Variants in ASIC2 observed in about 807,000 individuals in gnomAD.
The protein encoded by ASIC2 is acid-sensing ion channel 2.
A neutral mutation model predicts 57.3 loss-of-function variants in ASIC2; 25 were observed. That is an observed-to-expected ratio of 0.44 (90% CI 0.32 to 0.61). ASIC2 has a LOEUF of 0.61. Ranked by LOEUF, ASIC2 falls within the 20% of genes least tolerant of loss-of-function variation. ASIC2 has a pLI of 0.06. For missense variants in ASIC2, 641 were observed against 738.1 expected (o/e 0.87, Z 1.52); for synonymous variants, 319 against 307.5 (o/e 1.04, Z -0.39).
chr17:33,447,912 C>CAAAAAAAAAA (rs34092157), intron 1 of ASIC2, among the ~76,000 whole-genome samples: 1 of 73,084 alleles, frequency 1.4e-5, no homozygotes, highest in Non-Finnish European at 2.9e-5. Context: ...GACTCAGTCT[C>CAAAAAAAAAA]AAAAAAAAAA....
Position 33,172,381 on chromosome 17 carries a change from A to G in ASIC2, c.709-60314T>C, listed in dbSNP as rs866664304. On this transcript the variant is annotated intron_variant, in intron 1 of 9. Transcript: ENST00000225823. ...CCCCTGCCACAGGTAGCAGATGGCT[A>G]TGCCAAAATTAAAGCCCAGTTCTGC... Among the ~76,000 whole-genome samples the G allele has an allele frequency of 3.0e-4, 45 of 152,342 alleles. No individual in the cohort carries two copies. In the Middle Eastern group the frequency reaches 0.014, roughly 46 times the overall value.
intron 1 of ASIC2, among the ~76,000 whole-genome samples, chr17:33,814,212 C>G (rs967142335): frequency 6.6e-6 from 1 of 152,260 alleles, no homozygotes; most frequent in South Asian, 2.1e-4. Flanking sequence ...GAAGTGTAAG[C>G]CTAAATTCCT....
rs548319974 is a variant in ASIC2, at chr17:33,333,699, CA to C, written c.556-221633del. Among the ~76,000 whole-genome samples the C allele has an allele frequency of 2.8e-4, 42 of 151,146 alleles. No homozygotes were observed. The South Asian group carries it at 6.7e-3, about 24-fold the overall frequency. On this transcript the variant is annotated intron_variant, in intron 1 of 9. Coordinates refer to the ASIC2 transcript ENST00000359872. ...TATAATAAATAAACAATGTTAAGGA[CA>C]AAAAAAAGCAATTAAAAACTTTCCA...
intron 1 of ASIC2, chr17:34,039,055 A>G (rs1167464563): frequency 1.2e-6 from 2 of 1,614,104 alleles, no homozygotes; most frequent in Non-Finnish European, 8.5e-7. Context: ...TTCTATAAGG[A>G]GTTTCTTGCT....
chr17:33,155,721 A>G (rs1225627276), intron 1 of ASIC2, among the ~76,000 whole-genome samples: 1 of 151,350 alleles, frequency 6.6e-6, no homozygotes, highest in East Asian at 2.0e-4. Flanking sequence ...TACCACACCC[A>G]GCTAATTTTT....
intron 1 of ASIC2, among the ~76,000 whole-genome samples, chr17:33,134,911 G>T (rs1449462867): frequency 6.6e-6 from 1 of 152,202 alleles, no homozygotes; most frequent in African/African-American, 2.4e-5. Flanking sequence ...ACTCAAACCA[G>T]CATCAACTAA....
At chr17:33,507,672 G>T (rs962014017) in intron 1 of ASIC2, among the ~76,000 whole-genome samples, 1 of 152,154 alleles carries the variant, frequency 6.6e-6, no homozygotes, top group Non-Finnish European at 1.5e-5. Flanking sequence ...GGGAGGCAGA[G>T]GCAGGTGGAG....
At chr17:33,914,836 G>C (rs2141961188) in intron 1 of ASIC2, among the ~76,000 whole-genome samples, 1 of 152,354 alleles carries the variant, frequency 6.6e-6, no homozygotes, top group Non-Finnish European at 1.5e-5. Context: ...TCAGGGCCAT[G>C]AGTAGATAAA....
intron 1 of ASIC2, among the ~76,000 whole-genome samples, chr17:33,417,901 G>A (rs1371136784): frequency 6.6e-6 from 1 of 152,174 alleles, no homozygotes; most frequent in Non-Finnish European, 1.5e-5. Context: ...AGTCCTCAGG[G>A]AAGGCCCGAC....
At chr17:34,065,801 T>A (rs2142063904) in intron 1 of ASIC2, among the ~76,000 whole-genome samples, 1 of 152,190 alleles carries the variant, frequency 6.6e-6, no homozygotes, top group South Asian at 2.1e-4. Context: ...AGAAGAGTAA[T>A]CAAAAGGGAG....
At chr17:33,156,734 C>T (rs1034943433) in intron 1 of ASIC2, among the ~76,000 whole-genome samples, 5 of 151,874 alleles carry the variant, frequency 3.3e-5, no homozygotes, top group African/African-American at 4.8e-5. Flanking sequence ...CCAGCCTGGG[C>T]GACAGAGCGA....
In ASIC2 at chr17:33,663,198, T is replaced by A. The variant is rs1907349853; in HGVS notation, c.555+492780A>T. ...TGAGAAAATTGAGGCTTTGTGAGCT[T>A]ACCCAAGCTTTCCAGGTTCACGCAG... On this transcript the variant is annotated intron_variant, in intron 1 of 9. Transcript: ENST00000359872. Among the ~76,000 whole-genome samples, 4 of 152,236 alleles carry A rather than the reference T, an allele frequency of 2.6e-5. No individual in the cohort carries two copies. In the South Asian group the frequency reaches 8.3e-4, roughly 32 times the overall value.
intron 1 of ASIC2, among the ~76,000 whole-genome samples, chr17:34,032,190 A>C (rs542881484): frequency 0.027 from 4,132 of 152,294 alleles, 189 homozygotes; most frequent in African/African-American, 0.093. Context: ...AAGCCAGAAG[A>C]GAGTGGGGGC....
At chr17:33,506,239 A>G (rs891156791) in intron 1 of ASIC2, among the ~76,000 whole-genome samples, 39 of 23,006 alleles carry the variant, frequency 1.7e-3, no homozygotes, top group Non-Finnish European at 3.0e-3. Context: ...CTAAAAATAC[A>G]AAAAAAAAAA....
chr17:33,661,028 C>A (rs2142044653), intron 1 of ASIC2, among the ~76,000 whole-genome samples: 1 of 152,278 alleles, frequency 6.6e-6, no homozygotes, highest in East Asian at 1.9e-4. Context: ...GGAGATTTTC[C>A]AGCTAGACTC....
At chr17:33,814,514 T>C (rs1419460483) in intron 1 of ASIC2, among the ~76,000 whole-genome samples, 1 of 152,218 alleles carries the variant, frequency 6.6e-6, no homozygotes, top group Non-Finnish European at 1.5e-5. Flanking sequence ...CAGCTAACAA[T>C]GTTGCCATAA....
At position 33,808,069 on chromosome 17, in the gene ASIC2, T is replaced by C. The variant is rs558355575; in HGVS notation, c.555+347909A>G. On this transcript the variant is annotated intron_variant, in intron 1 of 9. Coordinates refer to the ASIC2 transcript ENST00000359872. ...GTTCAGTTATCAACTTTTTCTTTCA[T>C]TGATTGTGCCTTTGGTGTTACATAT... Among the ~76,000 whole-genome samples, 14 of 152,348 alleles carry C rather than the reference T, an allele frequency of 9.2e-5. No homozygotes were observed. In the South Asian group the frequency reaches 1.9e-3, roughly 20 times the overall value.
At chr17:33,593,493 C>T (rs996204486) in intron 1 of ASIC2, among the ~76,000 whole-genome samples, 1 of 152,170 alleles carries the variant, frequency 6.6e-6, no homozygotes, top group Non-Finnish European at 1.5e-5. Flanking sequence ...CATGCAGTGG[C>T]TAAGGGTGGG....
In ASIC2 at chr17:33,145,549, A is replaced by G. The variant is rs139485474; in HGVS notation, c.709-33482T>C. ...CACTGCTCTCTTTTGGCTTTTTCAG[A>G]CTTCTAACACATGCATAAGATATTT... is the stretch of plus-strand genomic sequence containing the variant. On this transcript the variant is annotated intron_variant, in intron 1 of 9. Coordinates refer to ENST00000225823, the MANE Select transcript of ASIC2 (RefSeq NM_183377.2). Among the ~76,000 whole-genome samples the G allele has an allele frequency of 1.5e-3, 232 of 152,260 alleles. 1 individual carries two copies. The highest frequency in any genetic ancestry group is 1.9e-3 in the Non-Finnish European group (132 of 68,006).
Sources: allele counts gnomAD v4.1 joint callset (sites outside exome capture counted in the v4.1 genomes callset), GRCh38; gene constraint gnomAD v4.1.1; transcripts MANE v1.5; gene names NCBI Gene and HGNC (gene_info 2026-07-23, HGNC 2026-07-21).